FAM168A: variants seen among roughly 807,000 people sequenced by gnomAD.
FAM168A encodes the protein protein FAM168A.
A neutral mutation model predicts 28.5 loss-of-function variants in FAM168A; 3 were observed. That is an observed-to-expected ratio of 0.11 (90% confidence interval 0.05 to 0.27). The LOEUF is 0.27. Among genes scored for constraint, FAM168A ranks in the 10% least tolerant of loss-of-function variants. FAM168A has a pLI of 1.00. For missense variants in FAM168A, 222 were observed against 311.5 expected (o/e 0.71, Z 2.16); for synonymous variants, 122 against 124.2 (o/e 0.98, Z 0.12).
chr11:73,510,240 A>T (rs1234434055), intron 1 of FAM168A, among the ~76,000 whole-genome samples: 2 of 152,166 alleles, frequency 1.3e-5, no homozygotes, highest in Admixed American at 1.3e-4. Flanking sequence ...CATCCCCATT[A>T]TGCAAAACCT....
intron 1 of FAM168A, among the ~76,000 whole-genome samples, chr11:73,497,245 T>G (rs372545357): frequency 4.3e-4 from 66 of 152,108 alleles, no homozygotes; most frequent in African/African-American, 1.3e-3. Context: ...GACAGGCAGA[T>G]CACGAGGTCA....
intron 1 of FAM168A, among the ~76,000 whole-genome samples, chr11:73,543,599 G>A (rs776911640): frequency 2.0e-5 from 3 of 151,960 alleles, no homozygotes; most frequent in Non-Finnish European, 4.4e-5. Context: ...GTCTTCAATC[G>A]GGTCTTCCTC....
intron 1 of FAM168A, among the ~76,000 whole-genome samples, chr11:73,583,050 G>C (rs1355286652): frequency 1.3e-5 from 2 of 152,128 alleles, no homozygotes; most frequent in South Asian, 2.1e-4. Flanking sequence ...CATGCCTATA[G>C]TCCCAGCACC....
intron 1 of FAM168A, among the ~76,000 whole-genome samples, chr11:73,500,202 A>T (rs180784821): frequency 5.6e-4 from 84 of 149,230 alleles, no homozygotes; most frequent in Middle Eastern, 3.4e-3. Context: ...GCCAGAAGAG[A>T]TTGGGGGCCA....
At chr11:73,543,073 A>C (rs530550094) in intron 1 of FAM168A, among the ~76,000 whole-genome samples, 16 of 152,208 alleles carry the variant, frequency 1.1e-4, no homozygotes, top group South Asian at 8.3e-4. Flanking sequence ...GGCCTAAGTT[A>C]ACTGATTATA....
At chr11:73,561,073 A>AG (rs1565298896) in intron 1 of FAM168A, among the ~76,000 whole-genome samples, 1 of 125,514 alleles carries the variant, frequency 8.0e-6, no homozygotes, top group Non-Finnish European at 1.5e-5. Flanking sequence ...AAAAAAAAAA[A>AG]CAAAAAACAA....
chr11:73,543,771 T>A (rs1943688269), intron 1 of FAM168A, among the ~76,000 whole-genome samples: 1 of 152,168 alleles, frequency 6.6e-6, no homozygotes, highest in Non-Finnish European at 1.5e-5. Context: ...CAAATCAGTA[T>A]TAATAAGCTC....
chr11:73,570,885 G>C (rs974205685), intron 1 of FAM168A, among the ~76,000 whole-genome samples: 7 of 152,056 alleles, frequency 4.6e-5, no homozygotes, highest in African/African-American at 1.4e-4. Context: ...GGGGCCTATG[G>C]AAACCCATCT....
At chr11:73,461,726 C>T (rs908366639) in intron 2 of FAM168A, among the ~76,000 whole-genome samples, 5 of 151,960 alleles carry the variant, frequency 3.3e-5, no homozygotes, top group South Asian at 2.1e-4. Context: ...GAGAGAAAAA[C>T]GATTATGGCT....
intron 1 of FAM168A, among the ~76,000 whole-genome samples, chr11:73,591,974 G>A (rs1206912608): frequency 2.0e-5 from 3 of 152,188 alleles, no homozygotes; most frequent in African/African-American, 7.2e-5. Context: ...ATAAAAGATA[G>A]AGGAAGACAC....
At chr11:73,594,668 G>A (rs1944423937) in intron 1 of FAM168A, among the ~76,000 whole-genome samples, 1 of 152,144 alleles carries the variant, frequency 6.6e-6, no homozygotes, top group Non-Finnish European at 1.5e-5. Flanking sequence ...CCAAGTAGCT[G>A]GGATTACAGG....
intron 1 of FAM168A, among the ~76,000 whole-genome samples, chr11:73,493,961 C>A (rs1489509095): frequency 6.6e-6 from 1 of 152,196 alleles, no homozygotes; most frequent in East Asian, 1.9e-4. Context: ...TCTAGAAACA[C>A]TTCATGTTAG....
chr11:73,441,759 T>C (rs1867199686), intron 2 of FAM168A, among the ~76,000 whole-genome samples: 1 of 152,244 alleles, frequency 6.6e-6, no homozygotes, highest in Non-Finnish European at 1.5e-5. Context: ...TTCTAGGAAT[T>C]TGTCTATTTC....
intron 1 of FAM168A, among the ~76,000 whole-genome samples, chr11:73,518,470 G>A (rs1272563874): frequency 6.6e-6 from 1 of 151,922 alleles, no homozygotes; most frequent in Non-Finnish European, 1.5e-5. Flanking sequence ...CCCAGTGTTG[G>A]AGGTGGGGCC....
At chr11:73,523,571 C>G (rs564945425) in intron 1 of FAM168A, among the ~76,000 whole-genome samples, 22 of 152,158 alleles carry the variant, frequency 1.4e-4, no homozygotes, top group African/African-American at 5.3e-4. Context: ...CCTCTGCTTC[C>G]CAATGGTAAT....
At chr11:73,509,197 T>G (rs1374577414) in intron 1 of FAM168A, among the ~76,000 whole-genome samples, 1 of 152,204 alleles carries the variant, frequency 6.6e-6, no homozygotes, top group Non-Finnish European at 1.5e-5. Flanking sequence ...GAAAGCAGCT[T>G]ATCCATGATC....
At chr11:73,443,354 T>C (rs1206631757) in intron 2 of FAM168A, among the ~76,000 whole-genome samples, 1 of 152,150 alleles carries the variant, frequency 6.6e-6, no homozygotes, top group Non-Finnish European at 1.5e-5. Context: ...GAAGACATAA[T>C]TCTTGCCCTC....
rs7945037 is a variant in FAM168A, at chr11:73,587,949, C to T, written c.-19+9974G>A. Among the ~76,000 whole-genome samples the T allele has an allele frequency of 4.6e-5, 7 of 152,092 alleles. No individual in the cohort carries two copies. In the East Asian group the frequency reaches 1.4e-3, roughly 29 times the overall value. On this transcript the variant is annotated intron_variant, in intron 1 of 7. Transcript: ENST00000356467. ...ATTTTTAGTAGAGATGGGGTTTCACCATGTTAGCCAGGCTAGTCTCAAACT... is the reference window on the plus strand; with the variant it reads ...ATTTTTAGTAGAGATGGGGTTTCACTATGTTAGCCAGGCTAGTCTCAAACT...
At chr11:73,534,517 C>T (rs2134668283) in intron 1 of FAM168A, among the ~76,000 whole-genome samples, 1 of 152,146 alleles carries the variant, frequency 6.6e-6, no homozygotes, top group Admixed American at 6.5e-5. Flanking sequence ...ATTCTCCTCC[C>T]TCAGCCTCCC....
Sources: gnomAD v4.1 joint callset for allele counts (sites outside exome capture counted in the v4.1 genomes callset) on GRCh38, gnomAD v4.1.1 for gene constraint, MANE v1.5 for transcripts, NCBI Gene and HGNC (gene_info 2026-07-23, HGNC 2026-07-21) for gene names.